The following AOPEP variants were observed in gnomAD, a reference collection of about 807,000 sequenced individuals.
The protein encoded by AOPEP is aminopeptidase O.
Under a neutral mutation model 98.1 loss-of-function variants are expected in AOPEP, and 77 were observed. The ratio of observed to expected loss-of-function variants is 0.78; its 90% CI spans 0.65 to 0.95. The LOEUF (loss-of-function observed/expected upper bound fraction) is 0.95. Among genes scored for constraint, AOPEP ranks in the 40% least tolerant of loss-of-function variants. The pLI is 0.00. For missense variants in AOPEP, 1,024 were observed against 1,024.7 expected (o/e 1.00, Z 0.01); for synonymous variants, 346 against 365.3 (o/e 0.95, Z 0.60).
intron 3 of AOPEP, among the ~76,000 whole-genome samples, chr9:94,786,555 G>A (rs183131021): frequency 8.5e-5 from 13 of 152,328 alleles, no homozygotes; most frequent in Admixed American, 2.0e-4. Flanking sequence ...AGGCTGATTG[G>A]AAGATAAGGT....
the AOPEP span, chr9:95,100,032 T>C: frequency 6.5e-5 from 15 of 232,074 alleles, no homozygotes; most frequent in East Asian, 9.1e-4. Flanking sequence ...GCTGCCACCA[T>C]GTCCACAGAG....
intron 7 of AOPEP, among the ~76,000 whole-genome samples, chr9:94,941,268 C>T (rs969206527): frequency 1.3e-5 from 2 of 152,244 alleles, no homozygotes; most frequent in Non-Finnish European, 2.9e-5. Flanking sequence ...GCCTTTATGG[C>T]TTCCGAGAGT....
chr9:95,133,568 G>A, the AOPEP span, among the ~76,000 whole-genome samples: 2 of 152,254 alleles, frequency 1.3e-5, no homozygotes, highest in Non-Finnish European at 2.9e-5. Flanking sequence ...GCTCACCACA[G>A]TGCTGCTCAG....
chr9:94,983,972 C>T (rs1233484280), intron 11 of AOPEP, among the ~76,000 whole-genome samples: 1 of 151,790 alleles, frequency 6.6e-6, no homozygotes, highest in Non-Finnish European at 1.5e-5. Context: ...GCTCACCGTC[C>T]AATGCACTAG....
intron 9 of AOPEP, among the ~76,000 whole-genome samples, chr9:94,961,238 T>G (rs1186531656): frequency 6.6e-6 from 1 of 152,180 alleles, no homozygotes; most frequent in East Asian, 1.9e-4. Flanking sequence ...TCTTTGAAGT[T>G]TAGTAATTTT....
chr9:94,990,708 TC>T (rs1400285511), intron 11 of AOPEP, among the ~76,000 whole-genome samples: 2 of 151,834 alleles, frequency 1.3e-5, no homozygotes, highest in African/African-American at 4.8e-5. Flanking sequence ...CACTGCAACC[TC>T]CTCCTCCTCC....
intron 5 of AOPEP, among the ~76,000 whole-genome samples, chr9:94,912,899 A>C (rs1407796470): frequency 6.6e-6 from 1 of 152,238 alleles, no homozygotes; most frequent in Non-Finnish European, 1.5e-5. Context: ...CAGTCACTGC[A>C]CCAGCCCCAG....
At chr9:95,125,894 C>T in the AOPEP span, among the ~76,000 whole-genome samples, 1 of 152,198 alleles carries the variant, frequency 6.6e-6, no homozygotes, top group Non-Finnish European at 1.5e-5. Context: ...GGCGTCCAGT[C>T]TTAGTACTCC....
At chr9:94,763,387 G>C (rs1838825683) in intron 2 of AOPEP, 1 of 204,110 alleles carries the variant, frequency 4.9e-6, no homozygotes, top group Non-Finnish European at 1.0e-5. Flanking sequence ...CTGTATCCCA[G>C]CTGAGAATAA....
At chr9:95,034,642 T>C (rs1037985128) in intron 13 of AOPEP, among the ~76,000 whole-genome samples, 2 of 152,248 alleles carry the variant, frequency 1.3e-5, no homozygotes, top group African/African-American at 4.8e-5. Context: ...TCATCAGTTT[T>C]TATATGGGCT....
At chr9:95,125,094 T>C in the AOPEP span, 10 of 1,614,062 alleles carry the variant, frequency 6.2e-6, no homozygotes, top group Non-Finnish European at 7.6e-6. Context: ...ACCTGCTTGC[T>C]TGCTTTCTCC....
At chr9:95,136,314 G>A in the AOPEP span, among the ~76,000 whole-genome samples, 3 of 151,842 alleles carry the variant, frequency 2.0e-5, no homozygotes, top group East Asian at 3.9e-4. Flanking sequence ...CAGGAGGATC[G>A]CTAGAGCCCA....
chr9:94,800,746 G>A lies in AOPEP; in HGVS notation c.1119-11G>A. ...AAACATGTTTTACCATTTATTTTGT[G>A]TTATTCCCAGGCATGTTGGTGTTTG... On this transcript the variant is annotated splice_polypyrimidine_tract_variant and intron_variant, in intron 4 of 16. Transcript: ENST00000375315. The A allele has an allele frequency of 6.2e-7, 1 of 1,613,434 alleles. No individual in the cohort carries two copies. Among genetic ancestry groups the A allele is most frequent in the Non-Finnish European group, 8.5e-7 (1 of 1,179,414 alleles).
At chr9:95,138,881 G>A in the AOPEP span, among the ~76,000 whole-genome samples, 4 of 152,334 alleles carry the variant, frequency 2.6e-5, no homozygotes, top group Non-Finnish European at 4.4e-5. Flanking sequence ...GTTTGAAAAC[G>A]ATGTGTGTTA....
At chr9:94,742,682 C>T (rs998201089) in intron 1 of AOPEP, among the ~76,000 whole-genome samples, 8 of 152,124 alleles carry the variant, frequency 5.3e-5, no homozygotes, top group Non-Finnish European at 1.2e-4. Context: ...ATCCGCCTGC[C>T]TCGGCCTCCC....
intron 13 of AOPEP, among the ~76,000 whole-genome samples, chr9:95,053,667 C>T (rs1018856184): frequency 2.6e-5 from 4 of 151,942 alleles, no homozygotes; most frequent in Admixed American, 6.6e-5. Flanking sequence ...AAGTATATTA[C>T]GTACACTGTT....
chr9:94,913,026 G>A (rs546042493), intron 5 of AOPEP, among the ~76,000 whole-genome samples: 10 of 152,294 alleles, frequency 6.6e-5, no homozygotes, highest in Non-Finnish European at 1.5e-4. Context: ...ACAGACCCGG[G>A]TGCCTTTCAG....
At chr9:95,099,621 G>C in the AOPEP span, 10 of 231,428 alleles carry the variant, frequency 4.3e-5, no homozygotes, top group South Asian at 1.8e-4. Flanking sequence ...GCATCTCTCA[G>C]GCTGGGAAAG....
chr9:94,754,974 C>T (rs1450674688), intron 1 of AOPEP, among the ~76,000 whole-genome samples: 3 of 152,216 alleles, frequency 2.0e-5, no homozygotes, highest in Non-Finnish European at 4.4e-5. Flanking sequence ...ATGTGATCCT[C>T]TTCCCCCTTA....
Sources: allele counts gnomAD v4.1 joint callset (sites outside exome capture counted in the v4.1 genomes callset), GRCh38; gene constraint gnomAD v4.1.1; transcripts MANE v1.5; gene names NCBI Gene and HGNC (gene_info 2026-07-23, HGNC 2026-07-21).